Variants in C6orf132 observed in about 807,000 individuals in gnomAD.
C6orf132 encodes chromosome 6 open reading frame 132, also known as uncharacterized protein C6orf132.
Under a neutral mutation model 65.3 loss-of-function variants are expected in C6orf132, and 43 were observed. The observed-to-expected ratio is 0.66, with a 90% CI of 0.52 to 0.85. The LOEUF (loss-of-function observed/expected upper bound fraction) is 0.85. Ranked by LOEUF, C6orf132 falls within the 40% of genes least tolerant of loss-of-function variation. The pLI, the probability that C6orf132 is intolerant of heterozygous loss-of-function variation, is 0.00. For synonymous variants in C6orf132, 631 were observed against 654.1 expected (o/e 0.96, Z 0.54); for missense variants, 1,488 against 1,548.8 (o/e 0.96, Z 0.66).
chr6:42,123,049 C>G lies in C6orf132; in HGVS notation c.252+5623G>C, dbSNP rs531312419. On this transcript the variant is annotated intron_variant, in intron 2 of 4. Coordinates refer to ENST00000341865, the MANE Select transcript of C6orf132 (RefSeq NM_001164446.3). ...AAGAGAGAACCCCAGAAAACACAAC[C>G]TTGCTGCCACCCACTGTTCTATGGA... Among the ~76,000 whole-genome samples, 13 of 152,314 alleles carry G rather than the reference C, an allele frequency of 8.5e-5. 1 individual carries two copies. Among genetic ancestry groups the G allele is most frequent in the East Asian group, 5.8e-4 (3 of 5,182 alleles).
intron 3 of C6orf132, among the ~76,000 whole-genome samples, chr6:42,109,683 G>A (rs552453697): frequency 9.9e-5 from 15 of 152,076 alleles, no homozygotes; most frequent in Non-Finnish European, 1.5e-4. Flanking sequence ...GCCAGACTCC[G>A]GTCAGACTCC....
intron 2 of C6orf132, among the ~76,000 whole-genome samples, chr6:42,115,934 C>CTTTTTTTTT (rs67542628): frequency 6.6e-5 from 7 of 106,392 alleles, no homozygotes; most frequent in Non-Finnish European, 9.6e-5. Flanking sequence ...TTTTCTTTTT[C>CTTTTTTTTT]TTTTTTTTTT....
chr6:42,102,848 T>C lies in C6orf132; in HGVS notation c.*913A>G. The C allele has an allele frequency of 2.6e-6, 1 of 386,912 alleles. No individual in the cohort carries two copies. The highest frequency in any genetic ancestry group is 1.5e-4 in the South Asian group (1 of 6,884). The allele number at this position is 386,912 out of a possible 1,614,324, so 24.0% of individuals were successfully genotyped here. A position where few individuals can be genotyped will look rare whatever the true frequency, so the allele number is the denominator to read the frequency against. ...AGGCATCAAGAGTATTGGTGACTTGTAGTATCAGTGTTAGGAAAAATGCCT... is the reference window on the plus strand; with the variant it reads ...AGGCATCAAGAGTATTGGTGACTTGCAGTATCAGTGTTAGGAAAAATGCCT... On this transcript the variant is annotated 3_prime_UTR_variant, in exon 5 of 5. Coordinates refer to ENST00000341865, the MANE Select transcript of C6orf132 (RefSeq NM_001164446.3).
At position 42,105,598 on chromosome 6, in the gene C6orf132, G is replaced by A; in HGVS notation, c.2314C>T (p.His772Tyr). 6.5e-7 allele frequency: 1 copy of A among 1,536,900 alleles called. No individual in the cohort carries two copies. Among genetic ancestry groups the A allele is most frequent in the South Asian group, 1.2e-5 (1 of 84,068 alleles). Residue 772 changes from histidine (H) to tyrosine (Y), a missense_variant, in exon 4 of 5, where the codon CAC (histidine) becomes TAC (tyrosine). By Grantham distance (83) the His-to-Tyr change is moderately conservative. Coordinates refer to ENST00000341865, the MANE Select transcript of C6orf132 (RefSeq NM_001164446.3). ...CGGCTGAGGCTGCTCTGGTGGCAGTGGGGCTTGTAGAGACATGGCACCTCT... is the reference window on the plus strand; with the variant it reads ...CGGCTGAGGCTGCTCTGGTGGCAGTAGGGCTTGTAGAGACATGGCACCTCT... ...GGEVPCLYKP[H>Y]CHQSSLSREV... is the part of the protein sequence containing the mutation.
Position 42,106,977 on chromosome 6 carries a change from G to C in C6orf132, c.935C>G (p.Thr312Ser), listed in dbSNP as rs1483939294. The change falls in exon 4 of 5, where the codon ACT (threonine) becomes AGT (serine). Residue 312 changes from threonine to serine, a missense_variant. Transcript: ENST00000341865. ...TGCTTCCTGAACTGGGATGGACGAA[G>C]TCCTGACTGGGGTTGGGGGAGGCAC... Reference protein sequence around the residue: ...FKVPPPTPVRTSSIPVQEAQE... With the variant: ...FKVPPPTPVRSSSIPVQEAQE... The C allele has an allele frequency of 2.6e-6, 4 of 1,536,124 alleles. No individual in the cohort carries two copies. The Admixed American group carries it at 5.9e-5, about 23-fold the overall frequency.
rs966498471 is a variant in C6orf132, at chr6:42,124,341, G to C, written c.252+4331C>G. 1.3e-5 allele frequency among the ~76,000 whole-genome samples: 2 copies of C among 152,236 alleles called. No homozygotes were observed. The highest frequency in any genetic ancestry group is 1.3e-4 in the Admixed American group (2 of 15,284). On this transcript the variant is annotated intron_variant, in intron 2 of 4. Transcript: ENST00000341865. This position sits in a 1 kb window ranked among gnomAD's most constrained non-coding sequence, Gnocchi z 4.0. ...ACAGAACAAGGGAACTCTGGGGAAGGGGGCAGAAGCGCCTGTTGCTGCCTT... is the reference window on the plus strand; with the variant it reads ...ACAGAACAAGGGAACTCTGGGGAAGCGGGCAGAAGCGCCTGTTGCTGCCTT...
At chr6:42,121,682 A>C (rs1428113451) in intron 2 of C6orf132, among the ~76,000 whole-genome samples, 2 of 152,220 alleles carry the variant, frequency 1.3e-5, no homozygotes, top group Non-Finnish European at 2.9e-5. Flanking sequence ...TTAGCTACGC[A>C]TCGTGGAATG....
chr6:42,116,242 C>A (rs988437787), intron 2 of C6orf132, among the ~76,000 whole-genome samples: 17 of 152,134 alleles, frequency 1.1e-4, no homozygotes, highest in Non-Finnish European at 1.9e-4. Context: ...TCAGCACTTT[C>A]TATCACTTAA....
intron 1 of C6orf132, among the ~76,000 whole-genome samples, chr6:42,139,081 C>T (rs114654378): frequency 1.2e-4 from 19 of 152,354 alleles, no homozygotes; most frequent in African/African-American, 4.6e-4. Context: ...CAGATTTTTA[C>T]ATGGCTGCAA....
intron 2 of C6orf132, among the ~76,000 whole-genome samples, chr6:42,110,814 T>A (rs1305644564): frequency 1.3e-5 from 2 of 152,236 alleles, no homozygotes; most frequent in Non-Finnish European, 2.9e-5. Flanking sequence ...ACATGTGCAT[T>A]GAGCAACTCA....
chr6:42,139,626 C>T (rs1183685592), intron 1 of C6orf132, among the ~76,000 whole-genome samples: 3 of 152,216 alleles, frequency 2.0e-5, no homozygotes, highest in Non-Finnish European at 2.9e-5. Context: ...GCAAGCTTGT[C>T]CAACCCATGG....
Position 42,107,035 on chromosome 6 carries a change from C to G in C6orf132, c.877G>C (p.Glu293Gln). ...PKGSALGPNPEPHLTFPRSFK... is the reference protein window; with the variant it reads ...PKGSALGPNPQPHLTFPRSFK... ...GAACGGGGGAAGGTGAGATGGGGCT[C>G]TGGGTTAGGTCCCAGGGCGCTCCCC... The change falls in exon 4 of 5, where the codon GAG becomes CAG. Residue 293 changes from glutamate (E) to glutamine (Q), a missense_variant. By Grantham distance (29) the Glu-to-Gln change is conservative. Transcript: ENST00000341865. 2.0e-6 allele frequency: 3 copies of G among 1,524,788 alleles called. No individual in the cohort carries two copies. Among genetic ancestry groups the G allele is most frequent in the Non-Finnish European group, 1.8e-6 (2 of 1,140,158 alleles). 94.5% of individuals were successfully genotyped at this position (1,524,788 alleles called of 1,614,324 possible). A position where few individuals can be genotyped will look rare whatever the true frequency, so the allele number is the denominator to read the frequency against.
intron 2 of C6orf132, among the ~76,000 whole-genome samples, chr6:42,115,162 C>T (rs1170805087): frequency 4.0e-5 from 6 of 150,426 alleles, no homozygotes; most frequent in Non-Finnish European, 8.8e-5. Context: ...TGGTGGCAGG[C>T]ACCTGTAATC....
intron 3 of C6orf132, among the ~76,000 whole-genome samples, chr6:42,108,331 T>G (rs1766445958): frequency 6.6e-6 from 1 of 152,186 alleles, no homozygotes; most frequent in Non-Finnish European, 1.5e-5. Flanking sequence ...AATGAGAGAA[T>G]CCATGCAAAT....
At position 42,124,689 on chromosome 6, in the gene C6orf132, ATG is replaced by A. The variant is rs1766738489; in HGVS notation, c.252+3981_252+3982del. The stretch of plus-strand genomic sequence containing the variant: ...TGGGGGACGGGGTGTGTGCGTGTGC[ATG>A]TGTGTGTGAGCCCACACCCACACAG... On this transcript the variant is annotated intron_variant, in intron 2 of 4. Coordinates refer to ENST00000341865, the MANE Select transcript of C6orf132 (RefSeq NM_001164446.3). This position sits in a 1 kb window ranked among gnomAD's most constrained non-coding sequence, Gnocchi z 4.0. Among the ~76,000 whole-genome samples, 2 of 152,222 alleles carry A rather than the reference ATG, an allele frequency of 1.3e-5. No individual in the cohort carries two copies. The highest frequency in any genetic ancestry group is 1.9e-4 in the East Asian group (1 of 5,160).
In C6orf132 at chr6:42,107,559, T is replaced by G; in HGVS notation, c.353A>C (p.Asn118Thr). ...VTGTSSLVNGNLRLYSSVGDL... is the reference protein window; with the variant it reads ...VTGTSSLVNGTLRLYSSVGDL... ...ACCCACAGAGCTGTACAGTCGGAGG[T>G]TGCCATTGACTAGTGAGCTGGTACC... The change falls in exon 4 of 5, where the codon AAC (asparagine) becomes ACC (threonine). Residue 118 changes from asparagine (N) to threonine (T), a missense_variant. Physicochemically the swap from Asn to Thr is moderately conservative, Grantham distance 65. Transcript: ENST00000341865. 6.4e-7 allele frequency: 1 copy of G among 1,550,512 alleles called. No individual in the cohort carries two copies. The highest frequency in any genetic ancestry group is 1.7e-4 in the Middle Eastern group (1 of 5,984).
rs1481519757 is a variant in C6orf132 at position 42,106,583 on chromosome 6, G to A, written c.1329C>T (p.Pro443=). 1 of 1,536,112 alleles carries A rather than the reference G, an allele frequency of 6.5e-7. No homozygotes were observed. Among genetic ancestry groups the A allele is most frequent in the African/African-American group, 1.4e-5 (1 of 72,868 alleles). The change falls in exon 4 of 5, where the codon CCC becomes CCT. Residue 443 remains proline (P), a synonymous_variant. Transcript: ENST00000341865. ...TCTCTGGGCTGGGGGGGTTGGGTTT[G>A]GGTTTGAGAGCAGGAGAGCTGGATT... The part of the protein sequence containing the change: ...TPKSSSPALK[P]KPNPPSPENT...
rs374140516 is a variant in C6orf132, at chr6:42,121,947, G to A, written c.252+6725C>T. Among the ~76,000 whole-genome samples, 142 of 152,308 alleles carry A rather than the reference G, an allele frequency of 9.3e-4. 1 individual carries two copies. Among genetic ancestry groups the A allele is most frequent in the Middle Eastern group, 3.4e-3 (1 of 294 alleles). On this transcript the variant is annotated intron_variant, in intron 2 of 4. Transcript: ENST00000341865. ...ATGAAGCCCAGCCAGTTGTTTTCCT[G>A]GCTTAGGGGTGCAGTATGGGGGTGC...
chr6:42,104,473 C>A lies in C6orf132; in HGVS notation c.3439G>T (p.Ala1147Ser). 1 of 1,231,188 alleles carries A rather than the reference C, an allele frequency of 8.1e-7. No homozygotes were observed. The highest frequency in any genetic ancestry group is 1.0e-6 in the Non-Finnish European group (1 of 987,750). 76.3% of individuals were successfully genotyped at this position (1,231,188 alleles called of 1,614,324 possible). The part of the protein sequence containing the change: ...PGSADYGFAP[A>S]AGRSPYTTTR... ...GGGCCCGCAGCTCACCTGCCGGCAG[C>A]TGGGGCGAAGCCGTAGTCGGCGCTG... The change falls in exon 4 of 5, where the codon GCT (alanine) becomes TCT (serine). Residue 1147 changes from alanine (A) to serine (S), a missense_variant. Physicochemically the swap from Ala to Ser is moderately conservative, Grantham distance 99. Transcript: ENST00000341865. The surrounding 1 kb of genome is among the most constrained non-coding windows in gnomAD (Gnocchi z 4.1).
Sources: gnomAD v4.1 joint callset for allele counts (sites outside exome capture counted in the v4.1 genomes callset) on GRCh38, gnomAD v4.1.1 for gene constraint, Gnocchi (gnomAD v3.1) non-coding constraint, MANE v1.5 for transcripts, NCBI Gene and HGNC (gene_info 2026-07-23, HGNC 2026-07-21) for gene names.